PLXDC2: variants seen among roughly 807,000 people sequenced by gnomAD.
PLXDC2 encodes plexin domain-containing protein 2.
Under a neutral mutation model 68.9 loss-of-function variants are expected in PLXDC2, and 40 were observed. That is an observed-to-expected ratio of 0.58 (90% CI 0.45 to 0.76). The LOEUF is 0.76. PLXDC2 is among the 30% of genes least tolerant of loss of function. The pLI, the probability that PLXDC2 is intolerant of heterozygous loss-of-function variation, is 0.00. For synonymous variants in PLXDC2, 243 were observed against 234.2 expected (o/e 1.04, Z -0.34); for missense variants, 644 against 661.9 (o/e 0.97, Z 0.30).
intron 13 of PLXDC2, among the ~76,000 whole-genome samples, chr10:20,250,405 C>T (rs1481448181): frequency 1.3e-5 from 2 of 151,834 alleles, no homozygotes; most frequent in Admixed American, 6.6e-5. Flanking sequence ...CCATTATAAA[C>T]ATATTAATAG....
intron 10 of PLXDC2, among the ~76,000 whole-genome samples, chr10:20,215,007 C>A (rs1236954742): frequency 6.6e-6 from 1 of 152,092 alleles, no homozygotes; most frequent in Non-Finnish European, 1.5e-5. Context: ...TATGAATAAT[C>A]AACATAAAGA....
At chr10:20,191,672 G>C (rs1391509553) in intron 9 of PLXDC2, among the ~76,000 whole-genome samples, 2 of 150,170 alleles carry the variant, frequency 1.3e-5, no homozygotes, top group African/African-American at 4.9e-5. Flanking sequence ...GGAGGGAGGG[G>C]GGAGGGATAG....
intron 2 of PLXDC2, among the ~76,000 whole-genome samples, chr10:20,022,316 G>A (rs1329663543): frequency 2.0e-5 from 3 of 152,082 alleles, no homozygotes; most frequent in African/African-American, 7.2e-5. Flanking sequence ...AGTCTAGTCG[G>A]GTTAGATAGA....
At chr10:20,052,799 G>T (rs2131690077) in intron 3 of PLXDC2, among the ~76,000 whole-genome samples, 1 of 151,908 alleles carries the variant, frequency 6.6e-6, no homozygotes. Context: ...GGGCCAGAGG[G>T]CTAACGATTT....
chr10:20,043,987 A>G (rs926534030), intron 2 of PLXDC2, among the ~76,000 whole-genome samples: 8 of 152,074 alleles, frequency 5.3e-5, no homozygotes, highest in African/African-American at 1.9e-4. Context: ...ACCATAACCT[A>G]ATTCAAGGTG....
At chr10:20,001,473 G>A (rs543521116) in intron 1 of PLXDC2, among the ~76,000 whole-genome samples, 26 of 152,262 alleles carry the variant, frequency 1.7e-4, no homozygotes, top group African/African-American at 4.8e-4. Context: ...TGAAGTGTGC[G>A]TGTGGAGGGG....
At chr10:20,176,288 A>G (rs1017124109) in intron 7 of PLXDC2, among the ~76,000 whole-genome samples, 2 of 152,114 alleles carry the variant, frequency 1.3e-5, no homozygotes, top group East Asian at 1.9e-4. Flanking sequence ...AATAAAAATC[A>G]TATGTATTTG....
chr10:19,868,815 C>A (rs559058179), intron 1 of PLXDC2, among the ~76,000 whole-genome samples: 1 of 152,110 alleles, frequency 6.6e-6, no homozygotes, highest in African/African-American at 2.4e-5. Context: ...TCAAAACATA[C>A]CAAGTATATA....
chr10:19,966,344 A>AATGTATGTATACACATAT (rs1834251423), intron 1 of PLXDC2, among the ~76,000 whole-genome samples: 1 of 141,424 alleles, frequency 7.1e-6, no homozygotes, highest in Admixed American at 7.2e-5. Flanking sequence ...ACACATATAT[A>AATGTATGTATACACATAT]ATAAATGTAT....
At chr10:19,951,103 T>C (rs890889192) in intron 1 of PLXDC2, among the ~76,000 whole-genome samples, 1 of 152,098 alleles carries the variant, frequency 6.6e-6, no homozygotes, top group African/African-American at 2.4e-5. Flanking sequence ...AATTTATGAC[T>C]AAGTCCTCAG....
At chr10:19,899,546 G>C (rs911086186) in intron 1 of PLXDC2, among the ~76,000 whole-genome samples, 1 of 152,126 alleles carries the variant, frequency 6.6e-6, no homozygotes, top group Non-Finnish European at 1.5e-5. Context: ...TCACGCCTCA[G>C]AAAGGACCTT....
intron 3 of PLXDC2, among the ~76,000 whole-genome samples, chr10:20,062,084 C>T (rs530718407): frequency 4.6e-5 from 7 of 152,118 alleles, no homozygotes; most frequent in Non-Finnish European, 1.0e-4. Flanking sequence ...GATAATCTTT[C>T]GAAGAAGTGT....
chr10:19,853,176 GA>G (rs1286263046), intron 1 of PLXDC2, among the ~76,000 whole-genome samples: 6 of 152,166 alleles, frequency 3.9e-5, no homozygotes, highest in Non-Finnish European at 8.8e-5. Context: ...TTTATTATCT[GA>G]AACTGTAGGA....
intron 12 of PLXDC2, among the ~76,000 whole-genome samples, chr10:20,232,084 A>G (rs1835372760): frequency 6.6e-6 from 1 of 152,222 alleles, no homozygotes; most frequent in African/African-American, 2.4e-5. Context: ...ATAAGAGAAT[A>G]TATTTACAGT....
intron 13 of PLXDC2, among the ~76,000 whole-genome samples, chr10:20,249,078 G>GTT (rs1835637192): frequency 4.6e-5 from 7 of 152,166 alleles, no homozygotes; most frequent in Non-Finnish European, 1.5e-5. Context: ...ATTTAACACA[G>GTT]TGGTGATTTC....
chr10:19,941,198 G>T (rs935740013), intron 1 of PLXDC2, among the ~76,000 whole-genome samples: 3 of 152,150 alleles, frequency 2.0e-5, no homozygotes, highest in Non-Finnish European at 4.4e-5. Context: ...TCAAGTAACT[G>T]GATGTGCAAA....
At chr10:19,922,112 G>A (rs1833470334) in intron 1 of PLXDC2, among the ~76,000 whole-genome samples, 1 of 152,176 alleles carries the variant, frequency 6.6e-6, no homozygotes, top group Admixed American at 6.5e-5. Flanking sequence ...GCCTGCCGCA[G>A]CCTCCCAAAG....
At chr10:19,893,038 C>G (rs779473248) in intron 1 of PLXDC2, among the ~76,000 whole-genome samples, 20 of 151,600 alleles carry the variant, frequency 1.3e-4, no homozygotes, top group Non-Finnish European at 1.6e-4. Context: ...ATATTACATC[C>G]TTAGGGCGTG....
At chr10:19,911,879 C>T (rs973649545) in intron 1 of PLXDC2, among the ~76,000 whole-genome samples, 8 of 152,116 alleles carry the variant, frequency 5.3e-5, no homozygotes, top group African/African-American at 1.2e-4. Flanking sequence ...GTGAATAGAT[C>T]GATACATATT....
Sources: gnomAD v4.1 joint callset for allele counts (sites outside exome capture counted in the v4.1 genomes callset) on GRCh38, gnomAD v4.1.1 for gene constraint, MANE v1.5 for transcripts, NCBI Gene and HGNC (gene_info 2026-07-23, HGNC 2026-07-21) for gene names.